The following RBFOX1 variants were observed in gnomAD, a reference collection of about 807,000 sequenced individuals.
RBFOX1 encodes RNA binding protein fox-1 homolog 1.
Under a neutral mutation model 57.7 loss-of-function variants are expected in RBFOX1, and 8 were observed. The ratio of observed to expected loss-of-function variants is 0.14; its 90% CI spans 0.08 to 0.25. RBFOX1 has a LOEUF of 0.25. Ranked by LOEUF, RBFOX1 falls within the 10% of genes least tolerant of loss-of-function variation. The probability of loss-of-function intolerance (pLI) is 1.00; values close to 1 mark genes in which losing one functional copy is unlikely to be tolerated. For missense variants in RBFOX1, 611 were observed against 548.5 expected (o/e 1.11, Z -1.14); for synonymous variants, 326 against 222.4 (o/e 1.47, Z -4.15).
At chr16:6,952,537 C>G (rs1045006412) in intron 3 of RBFOX1, among the ~76,000 whole-genome samples, 2 of 151,952 alleles carry the variant, frequency 1.3e-5, no homozygotes, top group Admixed American at 6.6e-5. Flanking sequence ...ACCTGGGAGG[C>G]TGAGGTAGGA....
intron 3 of RBFOX1, among the ~76,000 whole-genome samples, chr16:6,756,395 C>T (rs1005549737): frequency 6.6e-6 from 1 of 152,100 alleles, no homozygotes; most frequent in Non-Finnish European, 1.5e-5. Flanking sequence ...TGCATTAAGA[C>T]ACTGGCCTAG....
intron 2 of RBFOX1, among the ~76,000 whole-genome samples, chr16:6,536,804 G>T (rs1045487796): frequency 2.6e-5 from 4 of 152,086 alleles, no homozygotes; most frequent in African/African-American, 9.7e-5. Flanking sequence ...GATCTGTCAT[G>T]GCCAAGTTCA....
intron 2 of RBFOX1, among the ~76,000 whole-genome samples, chr16:5,574,425 C>CAT (rs1555469020): frequency 2.1e-5 from 3 of 144,742 alleles, no homozygotes; most frequent in Admixed American, 6.9e-5. Flanking sequence ...ACTTTTTTTT[C>CAT]TTTTTTTTTT....
intron 1 of RBFOX1, among the ~76,000 whole-genome samples, chr16:6,098,921 T>C (rs140087902): frequency 1.2e-3 from 180 of 152,308 alleles, no homozygotes; most frequent in Middle Eastern, 6.8e-3. Flanking sequence ...TGTGGCTTCG[T>C]TGAAGGACGG....
intron 3 of RBFOX1, among the ~76,000 whole-genome samples, chr16:7,009,698 G>C (rs984087614): frequency 1.3e-5 from 2 of 152,170 alleles, no homozygotes; most frequent in African/African-American, 4.8e-5. Context: ...AAATTGAGCA[G>C]GCAGCAGTTG....
At chr16:6,687,193 G>GTA (rs1568215560) in intron 3 of RBFOX1, among the ~76,000 whole-genome samples, 1 of 152,142 alleles carries the variant, frequency 6.6e-6, no homozygotes, top group African/African-American at 2.4e-5. Context: ...ACATCAGGTA[G>GTA]TAAATACCGT....
At chr16:7,379,152 A>G (rs1034097459) in intron 4 of RBFOX1, among the ~76,000 whole-genome samples, 4 of 152,202 alleles carry the variant, frequency 2.6e-5, no homozygotes, top group Admixed American at 6.5e-5. Context: ...TAGTGGGGAT[A>G]GCAGTAAACT....
chr16:7,480,638 T>A (rs1411502524), intron 4 of RBFOX1, among the ~76,000 whole-genome samples: 1 of 152,210 alleles, frequency 6.6e-6, no homozygotes, highest in Non-Finnish European at 1.5e-5. Flanking sequence ...AAGGCCTTGG[T>A]GCCGCATGAG....
rs577417785 is a variant in RBFOX1, at chr16:7,101,352, T to A, written c.27+49254T>A. Among the ~76,000 whole-genome samples, 7 of 152,248 alleles carry A rather than the reference T, an allele frequency of 4.6e-5. No individual in the cohort carries two copies. The East Asian group carries it at 1.2e-3, about 25-fold the overall frequency. On this transcript the variant is annotated intron_variant, in intron 4 of 15. Transcript: ENST00000550418. ...CTATTCATTGAAAATAAAAGGGAAT[T>A]TAGGAAGAAATGTAATACTCATCAG...
rs140282368 is a variant in RBFOX1 at position 5,626,133 on chromosome 16, G to T, written c.318+27172G>T. On this transcript the variant is annotated intron_variant, in intron 3 of 19. Transcript: ENST00000641259. ...GACCTCGGGTGATCTGCCCGCCTCG[G>T]CCTCCCAAAGTGCTGGGATTACAGG... Among the ~76,000 whole-genome samples, 1,002 of 152,310 alleles carry T rather than the reference G, an allele frequency of 6.6e-3. 12 individuals carry two copies. The highest frequency in any genetic ancestry group is 0.021 in the African/African-American group (878 of 41,558).
intron 1 of RBFOX1, among the ~76,000 whole-genome samples, chr16:6,310,318 C>A (rs2080097513): frequency 6.6e-6 from 1 of 152,208 alleles, no homozygotes; most frequent in South Asian, 2.1e-4. Context: ...TACTACGTGG[C>A]AGGTGCTGTG....
intron 4 of RBFOX1, among the ~76,000 whole-genome samples, chr16:6,012,003 G>T (rs1208116784): frequency 6.6e-6 from 1 of 152,212 alleles, no homozygotes; most frequent in Admixed American, 6.5e-5. Context: ...TTGTATGGCT[G>T]TTCTGAGGAA....
intron 3 of RBFOX1, among the ~76,000 whole-genome samples, chr16:5,674,646 C>T (rs538514097): frequency 2.6e-5 from 4 of 152,258 alleles, no homozygotes; most frequent in East Asian, 1.9e-4. Flanking sequence ...TGGGTTTTGC[C>T]ATTACTTTTA....
chr16:7,397,012 G>C (rs1490258622), intron 4 of RBFOX1, among the ~76,000 whole-genome samples: 10 of 152,136 alleles, frequency 6.6e-5, no homozygotes, highest in African/African-American at 2.4e-4. Context: ...GAAACACATA[G>C]CCTACACATT....
chr16:6,378,969 G>C (rs2091503252), intron 2 of RBFOX1, among the ~76,000 whole-genome samples: 1 of 152,122 alleles, frequency 6.6e-6, no homozygotes, highest in African/African-American at 2.4e-5. Flanking sequence ...AAAGAAAGTA[G>C]CAATGGAGCA....
intron 4 of RBFOX1, among the ~76,000 whole-genome samples, chr16:5,932,989 C>G (rs1397322564): frequency 2.6e-5 from 4 of 152,180 alleles, no homozygotes; most frequent in African/African-American, 9.7e-5. Context: ...ATTTTAACAG[C>G]ATGACGCCAC....
intron 2 of RBFOX1, among the ~76,000 whole-genome samples, chr16:6,415,478 G>C (rs150580439): frequency 6.6e-6 from 1 of 151,270 alleles, no homozygotes; most frequent in South Asian, 2.1e-4. Context: ...CGAGGAGGGC[G>C]GATCACGAGG....
rs1434882090 is a variant in RBFOX1 at position 7,029,061 on chromosome 16, TATATATATATATATATATATAC to T, written c.-15-22994_-15-22973del. The stretch of plus-strand genomic sequence containing the variant: ...AAAAAAAAAGCTATATATATATATA[TATATATATATATATATATATAC>T]ACACACACACACACACACACACACA... On this transcript the variant is annotated intron_variant, in intron 3 of 15. Coordinates refer to ENST00000550418, the MANE Select transcript of RBFOX1 (RefSeq NM_018723.4). Among the ~76,000 whole-genome samples, 56 of 30,910 alleles carry T rather than the reference TATATATATATATATATATATAC, an allele frequency of 1.8e-3. 1 individual carries two copies. Among genetic ancestry groups the T allele is most frequent in the Non-Finnish European group, 2.3e-3 (46 of 19,788 alleles). 20.3% of individuals were successfully genotyped at this position (30,910 alleles called of 152,430 possible).
chr16:5,751,489 C>A (rs1350306322), intron 3 of RBFOX1, among the ~76,000 whole-genome samples: 2 of 152,170 alleles, frequency 1.3e-5, no homozygotes, highest in Non-Finnish European at 2.9e-5. Context: ...GATAGATTTG[C>A]ACATAATTGT....
Sources: allele counts gnomAD v4.1 joint callset (sites outside exome capture counted in the v4.1 genomes callset), GRCh38; gene constraint gnomAD v4.1.1; transcripts MANE v1.5; gene names NCBI Gene and HGNC (gene_info 2026-07-23, HGNC 2026-07-21).